The following STOX2 variants were observed in gnomAD, a reference collection of about 807,000 sequenced individuals.
The protein encoded by STOX2 is storkhead-box protein 2.
Under a neutral mutation model 60.9 loss-of-function variants are expected in STOX2, and 28 were observed. The ratio of observed to expected loss-of-function variants is 0.46; its 90% confidence interval spans 0.34 to 0.63. The LOEUF (loss-of-function observed/expected upper bound fraction) is 0.63, where lower values mean the gene tolerates loss of function less well. Among genes scored for constraint, STOX2 ranks in the 30% least tolerant of loss-of-function variants. STOX2 has a pLI of 0.01. For missense variants in STOX2, 1,024 were observed against 1,187.7 expected, an observed-to-expected ratio of 0.86 and a Z score of 2.03; for synonymous variants, 472 against 463.9, an observed-to-expected ratio of 1.02 and a Z score of -0.22.
At chr4:183,936,636 A>C (rs1742600308) in intron 1 of STOX2, among the ~76,000 whole-genome samples, 1 of 152,192 alleles carries the variant, frequency 6.6e-6, no homozygotes, top group Non-Finnish European at 1.5e-5. Flanking sequence ...GAAACTAATA[A>C]TTTTTTAAAA....
At chr4:183,880,974 G>A (rs1302660139) in intron 1 of STOX2, among the ~76,000 whole-genome samples, 1 of 152,156 alleles carries the variant, frequency 6.6e-6, no homozygotes, top group East Asian at 1.9e-4. Flanking sequence ...GTTAACGTCT[G>A]TCTCATTGGC....
At chr4:183,849,557 G>A (rs796824426) in intron 1 of STOX2, among the ~76,000 whole-genome samples, 9 of 152,310 alleles carry the variant, frequency 5.9e-5, no homozygotes, top group African/African-American at 2.2e-4. Context: ...TCTAAAATGT[G>A]GAATACAGAA....
chr4:183,972,836 G>A (rs183993246), intron 1 of STOX2, among the ~76,000 whole-genome samples: 303 of 151,000 alleles, frequency 2.0e-3, no homozygotes, highest in African/African-American at 7.1e-3. Flanking sequence ...ACAGATGTTG[G>A]AATTATCAAA....
At chr4:183,939,647 C>A (rs1461144414) in intron 1 of STOX2, among the ~76,000 whole-genome samples, 1 of 151,596 alleles carries the variant, frequency 6.6e-6, no homozygotes, top group African/African-American at 2.4e-5. Context: ...TTATAATGTG[C>A]TCAAGTGGTT....
chr4:183,839,019 G>A (rs57575999), intron 1 of STOX2, among the ~76,000 whole-genome samples: 5,710 of 150,112 alleles, frequency 0.038, 319 homozygotes, highest in African/African-American at 0.14. Flanking sequence ...GTGCACGCGC[G>A]CGCGCACACA....
At chr4:184,000,344 G>A (rs1049180279) in intron 1 of STOX2, among the ~76,000 whole-genome samples, 3 of 152,270 alleles carry the variant, frequency 2.0e-5, no homozygotes, top group African/African-American at 7.2e-5. Flanking sequence ...CCCCTCCGAT[G>A]CAGGGTCTTC....
At chr4:183,986,178 A>T (rs1011136198) in intron 1 of STOX2, among the ~76,000 whole-genome samples, 3 of 152,260 alleles carry the variant, frequency 2.0e-5, no homozygotes, top group Non-Finnish European at 4.4e-5. Context: ...AGAATGTATA[A>T]ATAAAAATGT....
At chr4:183,886,349 G>C (rs912388702) in intron 1 of STOX2, among the ~76,000 whole-genome samples, 2 of 44,008 alleles carry the variant, frequency 4.5e-5, no homozygotes, top group East Asian at 1.1e-3. Flanking sequence ...ACAACAGAAA[G>C]GGGGGGGAAT....
chr4:184,004,265 A>G (rs1280528139), intron 2 of STOX2, among the ~76,000 whole-genome samples: 1 of 152,160 alleles, frequency 6.6e-6, no homozygotes, highest in Non-Finnish European at 1.5e-5. Context: ...TGTTTTGGGC[A>G]TCCATATTCT....
chr4:183,929,926 C>G (rs945498602), intron 1 of STOX2, among the ~76,000 whole-genome samples: 3 of 152,128 alleles, frequency 2.0e-5, no homozygotes, highest in Admixed American at 6.5e-5. Context: ...TGCAGTGGCA[C>G]GATCTCGGCT....
chr4:183,943,360 T>C (rs548044796), intron 1 of STOX2, among the ~76,000 whole-genome samples: 15 of 152,340 alleles, frequency 9.8e-5, no homozygotes, highest in Non-Finnish European at 1.6e-4. Flanking sequence ...TGCATAGTTT[T>C]TCTAGAATAA....
chr4:183,861,965 C>T (rs185882966), intron 1 of STOX2, among the ~76,000 whole-genome samples: 1 of 152,122 alleles, frequency 6.6e-6, no homozygotes, highest in African/African-American at 2.4e-5. Context: ...CCCGTCCACA[C>T]GATTTCCCCT....
In STOX2 at chr4:183,983,999, A is replaced by G. The variant is rs545319357; in HGVS notation, c.167-17326A>G. 1.3e-4 allele frequency among the ~76,000 whole-genome samples: 20 copies of G among 152,252 alleles called. 1 individual carries two copies. In the East Asian group the frequency reaches 3.7e-3, roughly 28 times the overall value. The stretch of plus-strand genomic sequence containing the variant: ...GCCTTCTCTTCCTCTACTTCCCAGT[A>G]ATGAACCCTCAGCCCCAGGCAGGCC... On this transcript the variant is annotated intron_variant, in intron 1 of 3. Transcript: ENST00000308497.
At chr4:183,971,528 G>T (rs987190761) in intron 1 of STOX2, among the ~76,000 whole-genome samples, 1 of 152,144 alleles carries the variant, frequency 6.6e-6, no homozygotes, top group African/African-American at 2.4e-5. Flanking sequence ...CTTCTCATTA[G>T]TAACTCCAAA....
chr4:183,881,867 A>C (rs555200229), intron 1 of STOX2, among the ~76,000 whole-genome samples: 48 of 152,340 alleles, frequency 3.2e-4, no homozygotes, highest in Non-Finnish European at 6.0e-4. Context: ...ATTATCATAG[A>C]TCGAGACATC....
intron 1 of STOX2, among the ~76,000 whole-genome samples, chr4:183,928,050 T>C (rs781361058): frequency 6.6e-6 from 1 of 152,222 alleles, no homozygotes; most frequent in Non-Finnish European, 1.5e-5. Flanking sequence ...TCTTTCCAGA[T>C]GAACAGAGGT....
chr4:183,845,894 A>G lies in STOX2; in HGVS notation c.364+47839A>G, dbSNP rs557078803. Among the ~76,000 whole-genome samples the G allele has an allele frequency of 2.1e-3, 325 of 152,336 alleles. 1 individual carries two copies. The highest frequency in any genetic ancestry group is 7.5e-3 in the African/African-American group (313 of 41,578). On this transcript the variant is annotated intron_variant, in intron 1 of 2. Coordinates refer to the STOX2 transcript ENST00000513034. The stretch of plus-strand genomic sequence containing the variant: ...ATATGTACTTATGTAGTGTACTTAT[A>G]ATATGTACTTAACAGTGTTCTTTAT...
At position 184,009,690 on chromosome 4, in the gene STOX2, C is replaced by T. The variant is rs1469320588; in HGVS notation, c.852C>T (p.Ala284=). 6 of 1,613,840 alleles carry T rather than the reference C, an allele frequency of 3.7e-6. No homozygotes were observed. In the South Asian group the frequency reaches 6.6e-5, roughly 18 times the overall value. ...SFKKDKTKQL[A]NFSAQFPPEE... ...AAAAAGACAAGACCAAACAGCTGGC[C>T]AATTTTTCTGCCCAGTTTCCTCCTG... Residue 284 remains alanine, a synonymous_variant, in exon 3 of 4, where the codon GCC becomes GCT. Coordinates refer to ENST00000308497, the MANE Select transcript of STOX2 (RefSeq NM_020225.3). This position sits in a 1 kb window ranked among gnomAD's most constrained non-coding sequence, Gnocchi z 4.0.
chr4:183,857,207 A>T (rs545506312), intron 1 of STOX2, among the ~76,000 whole-genome samples: 2 of 145,502 alleles, frequency 1.4e-5, no homozygotes, highest in East Asian at 4.0e-4. Flanking sequence ...TGCAGGTCTC[A>T]TCATCCCACA....
Sources: gnomAD v4.1 joint callset for allele counts (sites outside exome capture counted in the v4.1 genomes callset) on GRCh38, gnomAD v4.1.1 for gene constraint, Gnocchi (gnomAD v3.1) non-coding constraint, MANE v1.5 for transcripts, NCBI Gene and HGNC (gene_info 2026-07-23, HGNC 2026-07-21) for gene names.